The following MBP variants were observed in gnomAD, a reference collection of about 807,000 sequenced individuals.
The protein encoded by MBP is Golli-MBP.
In MBP, 16 loss-of-function variants were observed where a neutral mutation model predicts 35.8. The observed-to-expected ratio is 0.45, with a 90% CI of 0.30 to 0.68. MBP has a LOEUF of 0.68. Ranked by LOEUF, MBP falls within the 30% of genes least tolerant of loss-of-function variation. The pLI is 0.08. For synonymous variants in MBP, 143 were observed against 159.6 expected (o/e 0.90, Z 0.78); for missense variants, 380 against 404.7 (o/e 0.94, Z 0.52).
chr18:76,987,805 T>G (rs905377007), intron 7 of MBP: 1 of 1,038,554 alleles, frequency 9.6e-7, no homozygotes, highest in South Asian at 3.3e-5. Flanking sequence ...TTGGTTAGAA[T>G]ATAATGATTG....
chr18:77,094,751 C>T (rs528832806), intron 2 of MBP, among the ~76,000 whole-genome samples: 5 of 152,266 alleles, frequency 3.3e-5, no homozygotes, highest in East Asian at 1.9e-4. Context: ...GAATAAGGGT[C>T]GCCACAGCCA....
chr18:77,066,552 A>G, intron 2 of MBP, 167 bp from the exon 3 acceptor site: 1 of 766,170 alleles, frequency 1.3e-6, no homozygotes, highest in Non-Finnish European at 2.4e-6. Flanking sequence ...TTTTCTGCGC[A>G]GGATTCGGAA....
chr18:76,983,132 G>A (rs1349624475), intron 8 of MBP: 2 of 152,088 alleles, frequency 1.3e-5, no homozygotes, highest in Admixed American at 1.3e-4. Flanking sequence ...TGCTAAATGG[G>A]GCCCCTCACT....
chr18:77,082,806 A>AG (rs1490101653), intron 2 of MBP, among the ~76,000 whole-genome samples: 9 of 27,820 alleles, frequency 3.2e-4, no homozygotes, highest in African/African-American at 8.5e-4. Flanking sequence ...AGAAGGATGA[A>AG]GAATCCTTCC....
intron 3 of MBP, among the ~76,000 whole-genome samples, chr18:77,048,090 C>G (rs1367488885): frequency 1.3e-5 from 2 of 152,168 alleles, no homozygotes; most frequent in African/African-American, 4.8e-5. Context: ...TTTTGACCCC[C>G]CAAAGCATCT....
At chr18:77,075,941 T>G (rs558723647) in intron 2 of MBP, among the ~76,000 whole-genome samples, 67 of 152,306 alleles carry the variant, frequency 4.4e-4, no homozygotes, top group African/African-American at 1.5e-3. Context: ...GCAACGGGCA[T>G]AAAATGCTGA....
intron 3 of MBP, among the ~76,000 whole-genome samples, chr18:77,023,532 C>T (rs1413397704): frequency 6.6e-6 from 1 of 152,174 alleles, no homozygotes; most frequent in Non-Finnish European, 1.5e-5. Context: ...GTTCCACTGC[C>T]TGCACAACCG....
chr18:77,098,945 T>C (rs1167915537), intron 2 of MBP, among the ~76,000 whole-genome samples: 1 of 149,258 alleles, frequency 6.7e-6, no homozygotes, highest in Non-Finnish European at 1.5e-5. Context: ...CCCTCCTCCT[T>C]CTCACTCCTC....
At chr18:77,054,842 AT>A (rs1198990797) in intron 3 of MBP, among the ~76,000 whole-genome samples, 1 of 152,036 alleles carries the variant, frequency 6.6e-6, no homozygotes, top group Non-Finnish European at 1.5e-5. Flanking sequence ...GCGGTGGGTA[AT>A]GTCACCATGC....
At chr18:77,070,916 C>T (rs1275140328) in intron 2 of MBP, among the ~76,000 whole-genome samples, 6 of 152,208 alleles carry the variant, frequency 3.9e-5, no homozygotes, top group Non-Finnish European at 5.9e-5. Flanking sequence ...TGCTTGTTCC[C>T]GCGTAGCTGG....
chr18:77,047,450 G>A (rs933278093), intron 3 of MBP, among the ~76,000 whole-genome samples: 2 of 152,252 alleles, frequency 1.3e-5, no homozygotes, highest in Admixed American at 6.5e-5. Flanking sequence ...AAGTAGATTC[G>A]CAGTGGCCGG....
At chr18:77,048,551 C>A (rs1973349449) in intron 3 of MBP, among the ~76,000 whole-genome samples, 1 of 47,026 alleles carries the variant, frequency 2.1e-5, no homozygotes, top group Non-Finnish European at 4.0e-5. Flanking sequence ...TCACTGCAAC[C>A]TCCGCCTCCT....
intron 2 of MBP, among the ~76,000 whole-genome samples, chr18:77,100,090 C>T (rs1015568531): frequency 6.6e-6 from 1 of 152,216 alleles, no homozygotes; most frequent in Non-Finnish European, 1.5e-5. Flanking sequence ...ATGTCCTAAA[C>T]CTCACTGCCT....
intron 1 of MBP, among the ~76,000 whole-genome samples, chr18:77,130,990 CTG>C (rs1977224368): frequency 6.7e-6 from 1 of 149,022 alleles, no homozygotes; most frequent in African/African-American, 2.5e-5. Flanking sequence ...CAATTTTTAA[CTG>C]TGTTCTTTTC....
chr18:77,052,415 G>A (rs750547420), intron 3 of MBP, among the ~76,000 whole-genome samples: 6 of 152,120 alleles, frequency 3.9e-5, no homozygotes, highest in South Asian at 2.1e-4. Context: ...CGAGCTGGAC[G>A]CACGGCTGCC....
rs572713002 is a variant in MBP, at chr18:77,081,890, C to T, written c.52-15505G>A. On this transcript the variant is annotated intron_variant, in intron 2 of 8. Transcript: ENST00000355994. ...TTTTTGAGACGGAGTCTCGCTCTGT[C>T]GCACAGGCTGGAGTGCAGTGGCATG... Among the ~76,000 whole-genome samples the T allele has an allele frequency of 3.3e-4, 26 of 78,774 alleles. No individual in the cohort carries two copies. The East Asian group carries it at 9.0e-3, about 27-fold the overall frequency. The allele number at this position is 78,774 out of a possible 152,430, so 51.7% of individuals were successfully genotyped here. A position where few individuals can be genotyped will look rare whatever the true frequency, so the allele number is the denominator to read the frequency against.
chr18:77,014,828 C>T (rs1385967707), intron 4 of MBP: 2 of 985,264 alleles, frequency 2.0e-6, no homozygotes, highest in Non-Finnish European at 2.4e-6. Context: ...CCTTTGGCAT[C>T]AAAGGGCAAG....
intron 3 of MBP, among the ~76,000 whole-genome samples, chr18:77,019,024 C>T (rs1568295718): frequency 4.3e-5 from 6 of 138,710 alleles, no homozygotes. Context: ...ATCTATTTAC[C>T]TACCTGTTCA....
chr18:77,089,846 T>C (rs1340738979), intron 2 of MBP, among the ~76,000 whole-genome samples: 1 of 152,210 alleles, frequency 6.6e-6, no homozygotes, highest in Non-Finnish European at 1.5e-5. Context: ...GGCCCTTGTC[T>C]CTTCTTGCCC....
Sources: gnomAD v4.1 joint callset for allele counts (sites outside exome capture counted in the v4.1 genomes callset) on GRCh38, gnomAD v4.1.1 for gene constraint, MANE v1.5 for transcripts, NCBI Gene and HGNC (gene_info 2026-07-23, HGNC 2026-07-21) for gene names.